Variants in PARD3 observed in about 807,000 individuals in gnomAD.
The protein encoded by PARD3 is par-3 family cell polarity regulator, also known as partitioning defective 3 homolog.
Under a neutral mutation model 155.4 loss-of-function variants are expected in PARD3, and 75 were observed. The ratio of observed to expected loss-of-function variants is 0.48; its 90% CI spans 0.40 to 0.58. The LOEUF (loss-of-function observed/expected upper bound fraction) is 0.58, where lower values mean the gene tolerates loss of function less well. PARD3 is among the 20% of genes least tolerant of loss of function. The pLI is 0.00. For synonymous variants in PARD3, 576 were observed against 610.5 expected (o/e 0.94, Z 0.83); for missense variants, 1,642 against 1,721.7 (o/e 0.95, Z 0.82).
chr10:34,467,329 TTGTGTGTGTGTGTGTGTG>T (rs61218571), intron 4 of PARD3, among the ~76,000 whole-genome samples: 2 of 146,984 alleles, frequency 1.4e-5, no homozygotes, highest in African/African-American at 5.0e-5. Context: ...TGACTCCAAC[TTGTGTGTGTGTGTGTGTG>T]TGTGTGTGTG....
chr10:34,602,714 G>A (rs553327774), intron 2 of PARD3, among the ~76,000 whole-genome samples: 43 of 152,242 alleles, frequency 2.8e-4, no homozygotes, highest in African/African-American at 9.9e-4. Flanking sequence ...TGTGAACATC[G>A]GGCAGGATAT....
At chr10:34,416,089 A>G (rs934915909) in intron 5 of PARD3, among the ~76,000 whole-genome samples, 4 of 152,154 alleles carry the variant, frequency 2.6e-5, no homozygotes, top group African/African-American at 2.4e-5. Flanking sequence ...CAATCCACGA[A>G]GTCTACGTGT....
At position 34,351,251 on chromosome 10, in the gene PARD3, G is replaced by C. The variant is rs3824714; in HGVS notation, c.2068-3136C>G. Among the ~76,000 whole-genome samples, 33 of 151,436 alleles carry C rather than the reference G, an allele frequency of 2.2e-4. No homozygotes were observed. In the East Asian group the frequency reaches 6.4e-3, roughly 29 times the overall value. On this transcript the variant is annotated intron_variant, in intron 14 of 24. Coordinates refer to ENST00000374788, the MANE Select transcript of PARD3 (RefSeq NM_001184785.2). ...CAAGATCATATTATTCAATATTTCAGTTTTTTTTTAGCATATTGTATTTTA... is the reference window on the plus strand; with the variant it reads ...CAAGATCATATTATTCAATATTTCACTTTTTTTTTAGCATATTGTATTTTA...
At chr10:34,323,590 T>C (rs1051146344) in intron 19 of PARD3, among the ~76,000 whole-genome samples, 10 of 152,356 alleles carry the variant, frequency 6.6e-5, no homozygotes, top group East Asian at 1.9e-4. Context: ...AACCTTTCAA[T>C]ATATGTGGGT....
chr10:34,618,401 A>C (rs2091409232), intron 2 of PARD3, among the ~76,000 whole-genome samples: 1 of 152,190 alleles, frequency 6.6e-6, no homozygotes, highest in African/African-American at 2.4e-5. Flanking sequence ...AGCTTTTCTT[A>C]ACTCTTGGTG....
chr10:34,307,175 C>T (rs542214309), intron 20 of PARD3, among the ~76,000 whole-genome samples: 171 of 152,268 alleles, frequency 1.1e-3, no homozygotes, highest in Non-Finnish European at 2.1e-3. Flanking sequence ...CAGGCGTGAG[C>T]CACCGCACCC....
intron 22 of PARD3, among the ~76,000 whole-genome samples, chr10:34,236,072 T>C (rs1176569614): frequency 5.3e-5 from 8 of 152,188 alleles, no homozygotes; most frequent in Admixed American, 2.6e-4. Flanking sequence ...CCTTGGAGAT[T>C]ATACCTAATC....
intron 5 of PARD3, among the ~76,000 whole-genome samples, chr10:34,440,305 T>C (rs549983706): frequency 7.4e-4 from 113 of 152,214 alleles, no homozygotes; most frequent in African/African-American, 2.5e-3. Flanking sequence ...TCATGGAACA[T>C]AGATGGAACG....
intron 2 of PARD3, among the ~76,000 whole-genome samples, chr10:34,654,104 G>T (rs1228579006): frequency 6.6e-6 from 1 of 151,196 alleles, no homozygotes; most frequent in Non-Finnish European, 1.5e-5. Flanking sequence ...ATACAAACAT[G>T]AATGTAATTG....
chr10:34,113,932 G>T (rs1946532739), intron 24 of PARD3, among the ~76,000 whole-genome samples: 1 of 152,232 alleles, frequency 6.6e-6, no homozygotes, highest in Non-Finnish European at 1.5e-5. Context: ...CGGAGGAGTA[G>T]TTTGAAGACA....
At chr10:34,718,426 G>A (rs758390771) in intron 1 of PARD3, among the ~76,000 whole-genome samples, 20 of 152,054 alleles carry the variant, frequency 1.3e-4, no homozygotes, top group East Asian at 3.9e-4. Context: ...GTGGGAGGCC[G>A]AGGCCAGAGG....
chr10:34,542,537 T>C (rs1247744449), intron 2 of PARD3, among the ~76,000 whole-genome samples: 1 of 152,120 alleles, frequency 6.6e-6, no homozygotes, highest in Non-Finnish European at 1.5e-5. Context: ...AACCAAAAAG[T>C]TAAAGGCCAC....
intron 2 of PARD3, among the ~76,000 whole-genome samples, chr10:34,574,416 G>T (rs765608525): frequency 8.5e-5 from 13 of 152,108 alleles, no homozygotes; most frequent in Non-Finnish European, 1.5e-4. Flanking sequence ...CCAGGCCTCT[G>T]AACAAGCAAT....
At position 34,278,199 on chromosome 10, in the gene PARD3, A is replaced by G. The variant is rs548782618; in HGVS notation, c.3176+5936T>C. On this transcript the variant is annotated intron_variant, in intron 21 of 24. Coordinates refer to ENST00000374788, the MANE Select transcript of PARD3 (RefSeq NM_001184785.2). ...GTGTCTGGGACTACAGGTGCATACC[A>G]CCATGCCCTGCTAATTAAAAAAAAT... Among the ~76,000 whole-genome samples, 5 of 140,076 alleles carry G rather than the reference A, an allele frequency of 3.6e-5. No individual in the cohort carries two copies. The South Asian group carries it at 9.8e-4, about 27-fold the overall frequency. The allele number at this position is 140,076 out of a possible 152,430, so 91.9% of individuals were successfully genotyped here. A position where few individuals can be genotyped will look rare whatever the true frequency, so the allele number is the denominator to read the frequency against.
intron 22 of PARD3, among the ~76,000 whole-genome samples, chr10:34,175,179 C>T (rs1949979295): frequency 6.6e-6 from 1 of 152,088 alleles, no homozygotes; most frequent in South Asian, 2.1e-4. Flanking sequence ...GAATCATTTG[C>T]CTTTATATAC....
chr10:34,571,453 C>A (rs2086398030), intron 2 of PARD3, among the ~76,000 whole-genome samples: 1 of 152,142 alleles, frequency 6.6e-6, no homozygotes, highest in Admixed American at 6.5e-5. Context: ...CATTGACATG[C>A]ATTGTTCTAT....
At chr10:34,412,288 CAT>C (rs1204934043) in intron 5 of PARD3, among the ~76,000 whole-genome samples, 1 of 152,028 alleles carries the variant, frequency 6.6e-6, no homozygotes, top group African/African-American at 2.4e-5. Context: ...CCGTAGATAT[CAT>C]ATATATTTTA....
chr10:34,387,362 AC>A (rs1842455463), intron 7 of PARD3, among the ~76,000 whole-genome samples: 1 of 152,228 alleles, frequency 6.6e-6, no homozygotes, highest in Non-Finnish European at 1.5e-5. Flanking sequence ...TATCTTGGAT[AC>A]ATCCTTTCAG....
intron 2 of PARD3, among the ~76,000 whole-genome samples, chr10:34,633,122 CA>C (rs1470590475): frequency 1.3e-5 from 2 of 152,164 alleles, no homozygotes; most frequent in Non-Finnish European, 2.9e-5. Flanking sequence ...ATGAATAAAT[CA>C]AGTTAACTAA....
Sources: gnomAD v4.1 joint callset for allele counts (sites outside exome capture counted in the v4.1 genomes callset) on GRCh38, gnomAD v4.1.1 for gene constraint, MANE v1.5 for transcripts, NCBI Gene and HGNC (gene_info 2026-07-23, HGNC 2026-07-21) for gene names.